PHF21B: variants seen among roughly 807,000 people sequenced by gnomAD.
The protein encoded by PHF21B is PHD finger protein 4.
A neutral mutation model predicts 62.2 loss-of-function variants in PHF21B; 22 were observed. The ratio of observed to expected loss-of-function variants is 0.35; its 90% CI spans 0.25 to 0.51. The LOEUF is 0.51. Ranked by LOEUF, PHF21B falls within the 20% of genes least tolerant of loss-of-function variation. PHF21B has a pLI of 0.97. For missense variants in PHF21B, 701 were observed against 707.9 expected, an observed-to-expected ratio of 0.99 and a Z score of 0.11; for synonymous variants, 341 against 314.7, an observed-to-expected ratio of 1.08 and a Z score of -0.88.
At position 45,009,249 on chromosome 22, in the gene PHF21B, G is replaced by C; in HGVS notation, c.54+247C>G. 1.9e-6 allele frequency: 1 copy of C among 523,470 alleles called. No homozygotes were observed. The highest frequency in any genetic ancestry group is 2.7e-5 in the South Asian group (1 of 36,832). 32.4% of individuals were successfully genotyped at this position (523,470 alleles called of 1,614,324 possible). On this transcript the variant is annotated intron_variant, in intron 1 of 12. Transcript: ENST00000313237. This position sits in a 1 kb window ranked among gnomAD's most constrained non-coding sequence, Gnocchi z 5.9. Reference sequence around the variant, plus strand: ...CATGCAGACCCTACATCGCTTAAGAGAAGACTCCAGGCTCGGGTCCCACGC... The same window carrying C: ...CATGCAGACCCTACATCGCTTAAGACAAGACTCCAGGCTCGGGTCCCACGC...
intron 5 of PHF21B, among the ~76,000 whole-genome samples, chr22:44,913,096 C>T (rs757693522): frequency 3.3e-5 from 5 of 152,100 alleles, no homozygotes; most frequent in African/African-American, 7.2e-5. Flanking sequence ...GCAGGGGCTG[C>T]GCATCCACTA....
At position 44,916,633 on chromosome 22, in the gene PHF21B, G is replaced by A. The variant is rs763666524; in HGVS notation, c.214-3C>T. On this transcript the variant is annotated splice_polypyrimidine_tract_variant and splice_region_variant and intron_variant, in intron 3 of 12. Transcript: ENST00000313237. Reference sequence around the variant, plus strand: ...GGAATCAGAGTCTTTGGCCTAACCTGGGAAGAAGGGACAGGTATGTGGTCA... The same window carrying A: ...GGAATCAGAGTCTTTGGCCTAACCTAGGAAGAAGGGACAGGTATGTGGTCA... 2.5e-6 allele frequency: 4 copies of A among 1,599,962 alleles called. No individual in the cohort carries two copies. The African/African-American group carries it at 5.3e-5, about 21-fold the overall frequency.
chr22:44,902,767 G>T (rs150380382), intron 5 of PHF21B, among the ~76,000 whole-genome samples: 37 of 151,672 alleles, frequency 2.4e-4, no homozygotes, highest in African/African-American at 9.0e-4. Flanking sequence ...TTTTTTCCTA[G>T]TATTCTTTAT....
chr22:44,899,349 G>A (rs1027365960), intron 5 of PHF21B, among the ~76,000 whole-genome samples: 1 of 144,474 alleles, frequency 6.9e-6, no homozygotes, highest in Non-Finnish European at 1.5e-5. Context: ...GGAGTGCAGT[G>A]GCATGATCTC....
chr22:44,962,118 ATATATACCCAGT>A (rs2072436182), intron 2 of PHF21B, among the ~76,000 whole-genome samples: 1 of 152,158 alleles, frequency 6.6e-6, no homozygotes, highest in African/African-American at 2.4e-5. Context: ...TTTCTTTCCA[ATATATACCCAGT>A]TAATGGGATT....
intron 4 of PHF21B, 77 bp downstream of exon 4, chr22:44,916,203 G>T: frequency 7.3e-7 from 1 of 1,377,388 alleles, no homozygotes; most frequent in Non-Finnish European, 9.9e-7. Flanking sequence ...TGTTCATTTG[G>T]CCCTTCCCAA....
chr22:44,995,554 T>A (rs968276471), intron 2 of PHF21B, among the ~76,000 whole-genome samples: 1 of 152,144 alleles, frequency 6.6e-6, no homozygotes, highest in Admixed American at 6.5e-5. Flanking sequence ...TGGGGCTCAC[T>A]CTGGGACCAC....
chr22:44,920,548 T>C, intron 2 of PHF21B, 58 bp from the exon 3 acceptor site: 1 of 1,405,546 alleles, frequency 7.1e-7, no homozygotes, highest in Non-Finnish European at 9.8e-7. Context: ...CCGAATCCGT[T>C]GCCCCCAGCC....
Position 44,947,982 on chromosome 22 carries a change from G to GCTGTTGTCCCTCCTCCCCA in PHF21B, c.121-27493_121-27492insTGGGGAGGAGGGACAACAG, listed in dbSNP as rs1569247077. On this transcript the variant is annotated intron_variant, in intron 2 of 12. Coordinates refer to ENST00000313237, the MANE Select transcript of PHF21B (RefSeq NM_138415.5). ...CACAGGGCGCCAGAGCCTCCTCCCC[G>GCTGTTGTCCCTCCTCCCCA]CTGTTGTCCCTCCTCCCCGCTGTTG... is the stretch of plus-strand genomic sequence containing the variant. 8.4e-4 allele frequency among the ~76,000 whole-genome samples: 127 copies of GCTGTTGTCCCTCCTCCCCA among 151,682 alleles called. 1 individual carries two copies. The highest frequency in any genetic ancestry group is 2.8e-3 in the African/African-American group (117 of 41,346).
chr22:44,917,216 G>C (rs2071453868), intron 3 of PHF21B, among the ~76,000 whole-genome samples: 1 of 152,268 alleles, frequency 6.6e-6, no homozygotes, highest in African/African-American at 2.4e-5. Context: ...GCTCTGGACA[G>C]ACTGTTGGTT....
At chr22:45,004,773 G>A (rs2073284319) in intron 2 of PHF21B, among the ~76,000 whole-genome samples, 1 of 152,230 alleles carries the variant, frequency 6.6e-6, no homozygotes, top group African/African-American at 2.4e-5. Context: ...TCATGGTGAA[G>A]ACACGTCTCA....
At chr22:44,958,006 G>A (rs1038870612) in intron 2 of PHF21B, among the ~76,000 whole-genome samples, 6 of 151,742 alleles carry the variant, frequency 4.0e-5, no homozygotes, top group Non-Finnish European at 7.4e-5. Context: ...AGGTTCAAGC[G>A]ATTCTCCTGC....
intron 4 of PHF21B, 145 bp downstream of exon 4, chr22:44,916,135 A>T: frequency 1.3e-6 from 1 of 766,938 alleles, no homozygotes; most frequent in Admixed American, 3.0e-5. Context: ...TTTCCGTCCC[A>T]TTCATTCATT....
chr22:45,002,641 A>C (rs576649681), intron 2 of PHF21B, among the ~76,000 whole-genome samples: 1 of 150,276 alleles, frequency 6.7e-6, no homozygotes, highest in African/African-American at 2.5e-5. Flanking sequence ...CATCCTTCAC[A>C]CTCCTCCCTT....
At chr22:44,996,010 G>T (rs2073116423) in intron 2 of PHF21B, among the ~76,000 whole-genome samples, 1 of 152,198 alleles carries the variant, frequency 6.6e-6, no homozygotes, top group Non-Finnish European at 1.5e-5. Context: ...TCTGGCCGGG[G>T]ATATGTGGAA....
chr22:44,884,212 T>TCAC (rs757061792), intron 12 of PHF21B, among the ~76,000 whole-genome samples: 36 of 119,646 alleles, frequency 3.0e-4, no homozygotes, highest in Non-Finnish European at 5.3e-4. Flanking sequence ...ATCACCAACG[T>TCAC]CACCACCACC....
chr22:44,914,178 G>A (rs1028844580), intron 4 of PHF21B, 90 bp from the exon 5 acceptor site: 3 of 586,078 alleles, frequency 5.1e-6, no homozygotes, highest in African/African-American at 1.9e-5. Context: ...AGGGGTTGGG[G>A]AGCACAGAGC....
At chr22:44,925,443 G>A (rs778637433) in intron 2 of PHF21B, among the ~76,000 whole-genome samples, 11 of 152,146 alleles carry the variant, frequency 7.2e-5, no homozygotes, top group African/African-American at 1.7e-4. Context: ...ATGCTCGGAC[G>A]GCGGTTCCTG....
chr22:45,008,613 G>A lies in PHF21B; in HGVS notation c.55-3C>T, dbSNP rs1275370789. ...AGCTGCTTCTTGAGGTCGCCGTTCT[G>A]CGGAAACACGGAGGAGCGGGCTCAG... On this transcript the variant is annotated splice_polypyrimidine_tract_variant and splice_region_variant and intron_variant, in intron 1 of 12. Transcript: ENST00000313237. 2 of 1,584,846 alleles carry A rather than the reference G, an allele frequency of 1.3e-6. No individual in the cohort carries two copies. Among genetic ancestry groups the A allele is most frequent in the Non-Finnish European group, 8.6e-7 (1 of 1,166,268 alleles).
Sources: allele counts gnomAD v4.1 joint callset (sites outside exome capture counted in the v4.1 genomes callset), GRCh38; gene constraint gnomAD v4.1.1; non-coding constraint Gnocchi (gnomAD v3.1); transcripts MANE v1.5; gene names NCBI Gene and HGNC (gene_info 2026-07-23, HGNC 2026-07-21).